CALN1: variants seen among roughly 807,000 people sequenced by gnomAD.
CALN1 encodes the protein calneuron 1.
In CALN1, 17 loss-of-function variants were observed where a neutral mutation model predicts 30.6. The observed-to-expected ratio is 0.56, with a 90% CI of 0.38 to 0.83. The LOEUF is 0.83. CALN1 is among the 40% of genes least tolerant of loss of function. The probability of loss-of-function intolerance (pLI) is 0.00; values close to 1 mark genes in which losing one functional copy is unlikely to be tolerated. For missense variants in CALN1, 291 were observed against 354.9 expected (o/e 0.82, Z 1.45); for synonymous variants, 156 against 131.4 (o/e 1.19, Z -1.28).
At chr7:71,875,160 C>CAAAAA (rs3063970) in intron 5 of CALN1, among the ~76,000 whole-genome samples, 6 of 68,750 alleles carry the variant, frequency 8.7e-5, no homozygotes, top group Non-Finnish European at 1.1e-4. Context: ...GACTCTGTCT[C>CAAAAA]AAAAAAAAAA....
intron 3 of CALN1, among the ~76,000 whole-genome samples, chr7:72,175,069 A>G (rs1789248833): frequency 6.6e-6 from 1 of 151,874 alleles, no homozygotes; most frequent in Non-Finnish European, 1.5e-5. Context: ...CTATACCTCA[A>G]TATAATCAAT....
intron 5 of CALN1, among the ~76,000 whole-genome samples, chr7:71,882,623 C>T (rs967042215): frequency 2.0e-5 from 3 of 152,120 alleles, no homozygotes; most frequent in African/African-American, 7.2e-5. Flanking sequence ...GAGGCCTTCC[C>T]CTTTGCATCC....
intron 3 of CALN1, among the ~76,000 whole-genome samples, chr7:72,245,480 ATGG>A (rs1459014021): frequency 1.3e-5 from 2 of 151,700 alleles, no homozygotes; most frequent in Non-Finnish European, 2.9e-5. Flanking sequence ...TTAGCCGGGC[ATGG>A]TGGTGGGCAC....
intron 2 of CALN1, among the ~76,000 whole-genome samples, chr7:72,375,469 G>A (rs138207221): frequency 9.9e-5 from 15 of 151,704 alleles, no homozygotes; most frequent in African/African-American, 3.6e-4. Context: ...TGAGGCTGAG[G>A]TGGGGAGAAT....
chr7:72,307,583 G>A, intron 2 of CALN1, among the ~76,000 whole-genome samples: 1 of 152,184 alleles, frequency 6.6e-6, no homozygotes, highest in East Asian at 1.9e-4. Context: ...GCTATGATAT[G>A]ATATTATCTG....
At chr7:72,100,545 G>A (rs796966139) in intron 4 of CALN1, among the ~76,000 whole-genome samples, 16 of 152,136 alleles carry the variant, frequency 1.1e-4, no homozygotes, top group African/African-American at 2.9e-4. Context: ...TGAGCCGGGC[G>A]CAGTGGCTCA....
chr7:72,425,498 C>G (rs1807773703), intron 1 of CALN1, among the ~76,000 whole-genome samples: 1 of 152,252 alleles, frequency 6.6e-6, no homozygotes, highest in African/African-American at 2.4e-5. Flanking sequence ...TGCCTCATTA[C>G]TCATGAGTTC....
chr7:72,146,104 G>T (rs1270890371), intron 3 of CALN1, among the ~76,000 whole-genome samples: 5 of 152,158 alleles, frequency 3.3e-5, no homozygotes, highest in Non-Finnish European at 7.3e-5. Context: ...TCAACATAGC[G>T]TTGGAAGTTC....
chr7:72,041,788 C>A (rs1395333163), intron 4 of CALN1, among the ~76,000 whole-genome samples: 1 of 152,108 alleles, frequency 6.6e-6, no homozygotes, highest in Admixed American at 6.6e-5. Flanking sequence ...GTGCTGTTCT[C>A]AAAACAGTGA....
intron 2 of CALN1, among the ~76,000 whole-genome samples, chr7:72,389,379 A>G (rs934543316): frequency 6.6e-6 from 1 of 152,198 alleles, no homozygotes; most frequent in Non-Finnish European, 1.5e-5. Context: ...ATTAAGCCTT[A>G]AAAGTGTCCG....
intron 3 of CALN1, among the ~76,000 whole-genome samples, chr7:72,115,795 CT>C (rs1461529606): frequency 6.6e-6 from 1 of 151,968 alleles, no homozygotes; most frequent in African/African-American, 2.4e-5. Context: ...CATATACATT[CT>C]TTTTTATTTC....
intron 5 of CALN1, among the ~76,000 whole-genome samples, chr7:71,902,258 AACCAACC>A (rs897259466): frequency 6.7e-5 from 9 of 134,268 alleles, no homozygotes; most frequent in Non-Finnish European, 1.1e-4. Flanking sequence ...CCAACCAACC[AACCAACC>A]AATCAAAAAA....
chr7:71,974,833 T>A (rs112631827), intron 5 of CALN1, among the ~76,000 whole-genome samples: 1 of 152,040 alleles, frequency 6.6e-6, no homozygotes, highest in Non-Finnish European at 1.5e-5. Context: ...AGCTCCGAGG[T>A]TGGACTGGTG....
intron 3 of CALN1, among the ~76,000 whole-genome samples, chr7:72,209,309 C>T (rs913799076): frequency 6.6e-3 from 398 of 60,464 alleles, no homozygotes; most frequent in Non-Finnish European, 7.8e-3. Flanking sequence ...TCTTTCCTTC[C>T]CTCCTTCCCT....
chr7:72,043,840 G>A lies in CALN1; in HGVS notation c.389-20071C>T, dbSNP rs528830353. Among the ~76,000 whole-genome samples the A allele has an allele frequency of 4.6e-5, 7 of 152,308 alleles. No homozygotes were observed. In the South Asian group the frequency reaches 1.0e-3, roughly 23 times the overall value. On this transcript the variant is annotated intron_variant, in intron 4 of 6. Coordinates refer to ENST00000395275, the MANE Select transcript of CALN1 (RefSeq NM_031468.4). The stretch of plus-strand genomic sequence containing the variant: ...GAGACTGGGCAATTTACAAAAGAAA[G>A]AAGTTTAATTGGACTTACAGTTCCA...
the CALN1 span, among the ~76,000 whole-genome samples, chr7:72,492,794 C>G: frequency 6.6e-6 from 1 of 152,306 alleles, no homozygotes; most frequent in South Asian, 2.1e-4. Context: ...TGCCGAGCAC[C>G]GGAACAGTCG....
intron 2 of CALN1, among the ~76,000 whole-genome samples, chr7:72,294,814 G>C (rs1429533502): frequency 6.6e-6 from 1 of 151,478 alleles, no homozygotes; most frequent in African/African-American, 2.4e-5. Context: ...AGTCTTTAAA[G>C]ACACCCTATA....
chr7:72,279,937 C>T (rs796854292), intron 2 of CALN1, among the ~76,000 whole-genome samples: 7 of 152,230 alleles, frequency 4.6e-5, no homozygotes, highest in African/African-American at 9.6e-5. Flanking sequence ...ATCTTTGTAT[C>T]GGAGCTTCTG....
At chr7:72,285,894 C>T (rs1798050213) in intron 2 of CALN1, among the ~76,000 whole-genome samples, 1 of 152,272 alleles carries the variant, frequency 6.6e-6, no homozygotes. Flanking sequence ...AATTACCAGA[C>T]ATACAAGGGG....
Sources: gnomAD v4.1 joint callset for allele counts (sites outside exome capture counted in the v4.1 genomes callset) on GRCh38, gnomAD v4.1.1 for gene constraint, MANE v1.5 for transcripts, NCBI Gene and HGNC (gene_info 2026-07-23, HGNC 2026-07-21) for gene names.